FAT3: variants seen among roughly 807,000 people sequenced by gnomAD.
FAT3 encodes the protein FAT atypical cadherin 3.
FAT3 carries 95 observed loss-of-function variants against 310.2 expected under a neutral mutation model. That is an observed-to-expected ratio of 0.31 (90% CI 0.26 to 0.36). The LOEUF (loss-of-function observed/expected upper bound fraction) is 0.36. Ranked by LOEUF, FAT3 falls within the 10% of genes least tolerant of loss-of-function variation. FAT3 has a pLI of 1.00. For synonymous variants in FAT3, 2,314 were observed against 2,192.9 expected (o/e 1.06, Z -1.54); for missense variants, 5,408 against 5,715.6 (o/e 0.95, Z 1.74).
intron 4 of FAT3, among the ~76,000 whole-genome samples, chr11:92,735,697 G>T (rs373210611): frequency 6.6e-6 from 1 of 151,516 alleles, no homozygotes; most frequent in South Asian, 2.1e-4. Flanking sequence ...CCATAAACCT[G>T]CGTTTAAAAC....
At chr11:92,629,639 G>A (rs1941478329) in intron 3 of FAT3, among the ~76,000 whole-genome samples, 1 of 151,950 alleles carries the variant, frequency 6.6e-6, no homozygotes, top group Non-Finnish European at 1.5e-5. Flanking sequence ...TCAAACTCTT[G>A]GTCTCAAGCA....
At chr11:92,383,999 G>C (rs577403974) in intron 2 of FAT3, among the ~76,000 whole-genome samples, 1 of 152,060 alleles carries the variant, frequency 6.6e-6, no homozygotes, top group Admixed American at 6.6e-5. Context: ...TGAGATTATA[G>C]GATATATTTC....
At chr11:92,777,776 C>T (rs1946634474) in intron 7 of FAT3, among the ~76,000 whole-genome samples, 1 of 152,026 alleles carries the variant, frequency 6.6e-6, no homozygotes, top group Non-Finnish European at 1.5e-5. Flanking sequence ...TACAACATGG[C>T]AGTTGCTATG....
chr11:92,556,023 G>T (rs936274532), intron 3 of FAT3, among the ~76,000 whole-genome samples: 3 of 152,150 alleles, frequency 2.0e-5, no homozygotes, highest in Non-Finnish European at 4.4e-5. Flanking sequence ...TACGGTGAGT[G>T]TTATATGAGG....
chr11:92,336,196 G>C, intron 1 of FAT3: 1 of 568,476 alleles, frequency 1.8e-6, no homozygotes, highest in Admixed American at 1.9e-5. Context: ...GTGCTGCCAA[G>C]GACCGGGACA....
At chr11:92,685,347 G>A (rs1489766702) in intron 3 of FAT3, among the ~76,000 whole-genome samples, 1 of 152,004 alleles carries the variant, frequency 6.6e-6, no homozygotes, top group African/African-American at 2.4e-5. Context: ...CAAAAAACAT[G>A]GCTTTTTATG....
rs562136907 is a variant in FAT3 at position 92,239,221 on chromosome 11, T to A, written c.-18+14047T>A. Among the ~76,000 whole-genome samples the A allele has an allele frequency of 5.3e-5, 8 of 152,176 alleles. No individual in the cohort carries two copies. In the South Asian group the frequency reaches 1.7e-3, roughly 32 times the overall value. ...TACCCCTCTGCCTAAAAGAGCCCCC[T>A]GGGCCAACTGCTATTTATTTTCTTA... On this transcript the variant is annotated intron_variant, in intron 1 of 27. Transcript: ENST00000525166.
chr11:92,503,695 A>C (rs777308853), intron 2 of FAT3, among the ~76,000 whole-genome samples: 1 of 152,028 alleles, frequency 6.6e-6, no homozygotes, highest in African/African-American at 2.4e-5. Context: ...TACAGACAAC[A>C]CACTCTGATT....
At chr11:92,655,788 T>C (rs560143091) in intron 3 of FAT3, among the ~76,000 whole-genome samples, 1 of 152,118 alleles carries the variant, frequency 6.6e-6, no homozygotes, top group South Asian at 2.1e-4. Context: ...CAAACATTTA[T>C]GCTGGGTGCA....
chr11:92,478,363 T>G (rs1298370436), intron 2 of FAT3, among the ~76,000 whole-genome samples: 1 of 152,166 alleles, frequency 6.6e-6, no homozygotes, highest in Non-Finnish European at 1.5e-5. Context: ...ACTTTGAAAT[T>G]CTGTAGGTTT....
chr11:92,276,666 C>T (rs1285842681), intron 1 of FAT3, among the ~76,000 whole-genome samples: 3 of 152,106 alleles, frequency 2.0e-5, no homozygotes, highest in Non-Finnish European at 2.9e-5. Context: ...AGACATAGCA[C>T]AATCTGTAGT....
rs2136442985 is a variant in FAT3, at chr11:92,890,554, C to G, written c.13211C>G (p.Pro4404Arg). ...GARLSDIEEV[P>R]NYENQDGGSA... The stretch of plus-strand genomic sequence containing the variant: ...CGCCTGTCGGACATAGAGGAAGTGC[C>G]CAACTATGAGAACCAGGATGGAGGG... The change falls in exon 28 of 28, where the codon CCC becomes CGC. Residue 4404 changes from proline (P) to arginine (R), a missense_variant. Physicochemically the swap from Pro to Arg is moderately radical, Grantham distance 103 (BLOSUM62 -2). Transcript: ENST00000525166. 6.2e-7 allele frequency: 1 copy of G among 1,612,452 alleles called. No homozygotes were observed. Among genetic ancestry groups the G allele is most frequent in the Non-Finnish European group, 8.5e-7 (1 of 1,179,534 alleles).
intron 2 of FAT3, among the ~76,000 whole-genome samples, chr11:92,420,049 AGG>A (rs1387389236): frequency 6.6e-6 from 1 of 152,210 alleles, no homozygotes; most frequent in South Asian, 2.1e-4. Flanking sequence ...TATCAGAGCA[AGG>A]GTCAACAAAG....
chr11:92,792,646 C>T (rs1288090754), intron 8 of FAT3, 121 bp from the exon 9 acceptor site: 1 of 877,444 alleles, frequency 1.1e-6, no homozygotes, highest in Non-Finnish European at 1.8e-6. Flanking sequence ...TACTAGAAGC[C>T]TGGAACTGGG....
intron 6 of FAT3, among the ~76,000 whole-genome samples, chr11:92,773,788 T>C (rs1591714177): frequency 6.6e-6 from 1 of 152,208 alleles, no homozygotes; most frequent in African/African-American, 2.4e-5. Context: ...TTCACTACTC[T>C]AACATTACTG....
At chr11:92,240,212 A>T (rs1349183725) in intron 1 of FAT3, among the ~76,000 whole-genome samples, 6 of 148,098 alleles carry the variant, frequency 4.1e-5, no homozygotes, top group Admixed American at 4.0e-4. Context: ...TTTTCATTTA[A>T]TTGTACTGTG....
At chr11:92,292,182 G>A (rs965335070) in intron 1 of FAT3, among the ~76,000 whole-genome samples, 1 of 151,800 alleles carries the variant, frequency 6.6e-6, no homozygotes, top group African/African-American at 2.4e-5. Flanking sequence ...ACAGCATTTT[G>A]GTTAATCCTA....
intron 3 of FAT3, among the ~76,000 whole-genome samples, chr11:92,625,704 C>T (rs1941300589): frequency 1.3e-5 from 2 of 151,510 alleles, no homozygotes; most frequent in Admixed American, 1.3e-4. Context: ...AGATTGTCAG[C>T]CCCCAAATCA....
chr11:92,843,808 A>G (rs184912830), intron 18 of FAT3, 126 bp from the exon 19 acceptor site: 227 of 906,954 alleles, frequency 2.5e-4, no homozygotes, highest in Non-Finnish European at 3.2e-4. Flanking sequence ...ATTTTTCAGA[A>G]TAGTGGCAAG....
Sources: allele counts gnomAD v4.1 joint callset (sites outside exome capture counted in the v4.1 genomes callset), GRCh38; gene constraint gnomAD v4.1.1; transcripts MANE v1.5; gene names NCBI Gene and HGNC (gene_info 2026-07-23, HGNC 2026-07-21).